Variants in YJU2 observed in about 807,000 individuals in gnomAD.
The protein encoded by YJU2 is splicing factor YJU2.
YJU2 carries 28 observed loss-of-function variants against 39.6 expected under a neutral mutation model. The observed-to-expected ratio is 0.71, with a 90% CI of 0.52 to 0.97. YJU2 has a LOEUF of 0.97. YJU2 is among the 50% of genes least tolerant of loss of function. YJU2 has a pLI of 0.00. For synonymous variants in YJU2, 184 were observed against 182.4 expected (o/e 1.01, Z -0.07); for missense variants, 328 against 430.4 (o/e 0.76, Z 2.11).
chr19:4,258,506 G>A (rs991148401), intron 5 of YJU2, 83 bp downstream of exon 5: 71 of 1,483,382 alleles, frequency 4.8e-5, no homozygotes, highest in Non-Finnish European at 5.7e-5. Context: ...CCCTTTCCCC[G>A]CTCTCTGGAG....
chr19:4,262,192 C>A, intron 6 of YJU2, 78 bp downstream of exon 6: 1 of 1,470,790 alleles, frequency 6.8e-7, no homozygotes, highest in Non-Finnish European at 9.1e-7. Context: ...TTGACTTTTT[C>A]TTTTGTTTTT....
At chr19:4,248,475 G>C (rs1400347888) in intron 1 of YJU2, among the ~76,000 whole-genome samples, 3 of 152,202 alleles carry the variant, frequency 2.0e-5, no homozygotes, top group Non-Finnish European at 4.4e-5. Context: ...GATCCAGGGA[G>C]ATGACTCTGT....
intron 6 of YJU2, among the ~76,000 whole-genome samples, chr19:4,266,085 CTGGGATTACAGGCG>C (rs1162842025): frequency 6.6e-6 from 1 of 151,900 alleles, no homozygotes. Context: ...TCCCGAGTAG[CTGGGATTACAGGCG>C]TGTGCCACCA....
chr19:4,268,372 A>G (rs78572506), intron 7 of YJU2, among the ~76,000 whole-genome samples: 83 of 152,346 alleles, frequency 5.4e-4, no homozygotes, highest in Admixed American at 3.1e-3. Context: ...CAAGGTTTGC[A>G]TTGGCCATTG....
rs544536119 is a variant in YJU2 at position 4,262,302 on chromosome 19, G to A, written c.708+188G>A. Among the ~76,000 whole-genome samples, 8 of 152,262 alleles carry A rather than the reference G, an allele frequency of 5.3e-5. No individual in the cohort carries two copies. In the South Asian group the frequency reaches 1.7e-3, roughly 32 times the overall value. ...CAACCTCTGCCTCCCAGGTTCAAGC[G>A]ATTCTCCTGCCTCAGCCTCCCGAGT... On this transcript the variant is annotated intron_variant, in intron 6 of 7. Coordinates refer to ENST00000262962, the MANE Select transcript of YJU2 (RefSeq NM_018074.6).
Position 4,254,380 on chromosome 19 carries a change from C to G in YJU2, c.296C>G (p.Thr99Ser). The change falls in exon 4 of 8, where the codon ACC becomes AGC. Residue 99 changes from threonine (T) to serine (S), a missense_variant. Thr to Ser is a moderately conservative substitution (Grantham distance 58). Transcript: ENST00000262962. The part of the protein sequence containing the change: ...FKTDPENTDY[T>S]MEHGATRNFQ... ...ACAGACCCTGAAAACACAGACTACA[C>G]CATGGAGCATGGAGCCACGCGGAAT... The G allele has an allele frequency of 6.2e-7, 1 of 1,613,678 alleles. No homozygotes were observed. Among genetic ancestry groups the G allele is most frequent in the East Asian group, 2.2e-5 (1 of 44,862 alleles).
intron 4 of YJU2, among the ~76,000 whole-genome samples, chr19:4,257,295 T>C (rs1365657393): frequency 3.9e-5 from 6 of 152,074 alleles, no homozygotes; most frequent in Non-Finnish European, 4.4e-5. Flanking sequence ...CAATTTTTCC[T>C]TAATATTATT....
chr19:4,262,763 T>A (rs1280502473), intron 6 of YJU2, among the ~76,000 whole-genome samples: 5 of 151,626 alleles, frequency 3.3e-5, no homozygotes, highest in African/African-American at 1.2e-4. Context: ...CAAAAATTAG[T>A]CATGGGTGGT....
At chr19:4,248,442 A>G (rs990741925) in intron 1 of YJU2, among the ~76,000 whole-genome samples, 3 of 152,212 alleles carry the variant, frequency 2.0e-5, no homozygotes, top group African/African-American at 7.2e-5. Context: ...TGAGCCCTGC[A>G]GGTTTCAGCT....
rs773626462 is a variant in YJU2, at chr19:4,254,536, T to G, written c.405+47T>G. 41 of 1,471,204 alleles carry G rather than the reference T, an allele frequency of 2.8e-5. No individual in the cohort carries two copies. The African/African-American group carries it at 5.4e-4, about 19-fold the overall frequency. The allele number at this position is 1,471,204 out of a possible 1,614,324, so 91.1% of individuals were successfully genotyped here. ...TGTTCATGGGCGCTGTGTGTGTGGG[T>G]GTGTGTGTGTGCCAATGGTTGTGCC... is the stretch of plus-strand genomic sequence containing the variant. On this transcript the variant is annotated intron_variant, in intron 4 of 7. Transcript: ENST00000262962.
intron 4 of YJU2, 97 bp from the exon 5 acceptor site, chr19:4,258,145 G>T (rs1971037632): frequency 2.0e-6 from 3 of 1,485,310 alleles, no homozygotes; most frequent in Non-Finnish European, 9.0e-7. Flanking sequence ...GGGGGTAGGG[G>T]TTCCTCCCGT....
intron 3 of YJU2, 109 bp downstream of exon 3, chr19:4,251,280 T>G: frequency 9.2e-7 from 1 of 1,087,328 alleles, no homozygotes; most frequent in South Asian, 1.5e-5. Context: ...GAATCTCATT[T>G]CAGTTTATCC....
chr19:4,253,546 A>C (rs1400025862), intron 3 of YJU2, among the ~76,000 whole-genome samples: 1 of 152,104 alleles, frequency 6.6e-6, no homozygotes, highest in Non-Finnish European at 1.5e-5. Context: ...CTGCCGCTGC[A>C]CTCCGGCCTG....
At chr19:4,248,542 C>T (rs904292302) in intron 1 of YJU2, among the ~76,000 whole-genome samples, 2 of 152,190 alleles carry the variant, frequency 1.3e-5, no homozygotes, top group Admixed American at 6.6e-5. Flanking sequence ...CCTGGTTTAC[C>T]CTCTACAGAA....
chr19:4,254,509 G>C lies in YJU2; in HGVS notation c.405+20G>C, dbSNP rs1971003293. On this transcript the variant is annotated intron_variant, in intron 4 of 7. Coordinates refer to ENST00000262962, the MANE Select transcript of YJU2 (RefSeq NM_018074.6). ...ATGAAGGTGAGTCGGGGGCCATGTA[G>C]GTGTTCATGGGCGCTGTGTGTGTGG... 1.9e-6 allele frequency: 3 copies of C among 1,559,538 alleles called. No homozygotes were observed. Among genetic ancestry groups the C allele is most frequent in the Middle Eastern group, 4.0e-4 (2 of 5,034 alleles).
At chr19:4,258,183 A>G in intron 4 of YJU2, 59 bp from the exon 5 acceptor site, 1 of 1,526,302 alleles carries the variant, frequency 6.6e-7, no homozygotes, top group East Asian at 2.5e-5. Flanking sequence ...GAGGCCAGAC[A>G]GGGTTTGCCC....
chr19:4,259,220 A>G (rs938996603), intron 5 of YJU2, among the ~76,000 whole-genome samples: 8 of 148,270 alleles, frequency 5.4e-5, no homozygotes, highest in South Asian at 2.1e-4. Context: ...CTGGGATTAG[A>G]GGCATCCGCC....
rs904821651 is a variant in YJU2 at position 4,268,882 on chromosome 19, C to G, written c.*186C>G. Reference sequence around the variant, plus strand: ...GCCCCAGGAGGTCCCTTCTCTGTGCCCTCACCAGCCTCTCAACACCTCGGG... The same window carrying G: ...GCCCCAGGAGGTCCCTTCTCTGTGCGCTCACCAGCCTCTCAACACCTCGGG... On this transcript the variant is annotated 3_prime_UTR_variant, in exon 8 of 8. Coordinates refer to ENST00000262962, the MANE Select transcript of YJU2 (RefSeq NM_018074.6). The G allele has an allele frequency of 1.0e-5, 6 of 587,492 alleles. No homozygotes were observed. The African/African-American group carries it at 1.1e-4, about 11-fold the overall frequency. The allele number at this position is 587,492 out of a possible 1,614,324, so 36.4% of individuals were successfully genotyped here.
At chr19:4,268,461 C>A in intron 7 of YJU2, 123 bp from the exon 8 acceptor site, 1 of 648,678 alleles carries the variant, frequency 1.5e-6, no homozygotes, top group Non-Finnish European at 2.7e-6. Context: ...TCCAGAAAGG[C>A]CAGGCCATTC....
Sources: gnomAD v4.1 joint callset for allele counts (sites outside exome capture counted in the v4.1 genomes callset) on GRCh38, gnomAD v4.1.1 for gene constraint, MANE v1.5 for transcripts, NCBI Gene and HGNC (gene_info 2026-07-23, HGNC 2026-07-21) for gene names.